The following HSF1 variants were observed in gnomAD, a reference collection of about 807,000 sequenced individuals.
The protein encoded by HSF1 is heat shock transcription factor 1.
HSF1 carries 32 observed loss-of-function variants against 51.7 expected under a neutral mutation model. The observed-to-expected ratio is 0.62, with a 90% CI of 0.47 to 0.83. HSF1 has a LOEUF of 0.83. Ranked by LOEUF, HSF1 falls within the 40% of genes least tolerant of loss-of-function variation. The pLI is 0.00. For missense variants in HSF1, 727 were observed against 717.0 expected (o/e 1.01, Z -0.16); for synonymous variants, 396 against 309.7 (o/e 1.28, Z -2.92).
At chr8:144,308,866 TCAC>T in intron 1 of HSF1, 37 bp from the exon 2 acceptor site, 1 of 1,541,324 alleles carries the variant, frequency 6.5e-7, no homozygotes, top group Non-Finnish European at 9.0e-7. Flanking sequence ...ACGCTGCCCC[TCAC>T]CACCACGCGT....
chr8:144,301,544 G>T (rs1246005997), intron 1 of HSF1, among the ~76,000 whole-genome samples: 1 of 152,132 alleles, frequency 6.6e-6, no homozygotes, highest in Non-Finnish European at 1.5e-5. Context: ...CAAAGTGCTG[G>T]AACAGGCTGG....
rs1554844961 is a variant in HSF1 at position 144,312,177 on chromosome 8, G to A, written c.1075G>A (p.Gly359Ser). 1 of 1,606,876 alleles carries A rather than the reference G, an allele frequency of 6.2e-7. No individual in the cohort carries two copies. Among genetic ancestry groups the A allele is most frequent in the Admixed American group, 1.7e-5 (1 of 59,952 alleles). Residue 359 changes from glycine (G) to serine (S), a missense_variant, in exon 9 of 13, where the codon GGC becomes AGC. Gly to Ser is a moderately conservative substitution (Grantham distance 56). This residue lies in a region of HSF1 where 470 missense variants were observed against 398.8 expected (regional missense o/e 1.18). Transcript: ENST00000528838. ...CGCCAGGGGCCACACGGACACCGAG[G>A]GCCGGCCTCCCTCCCCCCCGCCCAC... ...TDARGHTDTE[G>S]RPPSPPPTST... is the part of the protein sequence containing the mutation.
chr8:144,311,543 T>C lies in HSF1; in HGVS notation c.665T>C (p.Met222Thr), dbSNP rs782709939. The C allele has an allele frequency of 6.2e-7, 1 of 1,613,700 alleles. No homozygotes were observed. The highest frequency in any genetic ancestry group is 8.5e-7 in the Non-Finnish European group (1 of 1,179,964). ...MLNDSGSAHS[M>T]PKYSRQFSLE... Reference sequence around the variant, plus strand: ...AACGACAGTGGCTCAGCACATTCCATGCCCAAGTATAGCCGGCAGTTCTCC... The same window carrying C: ...AACGACAGTGGCTCAGCACATTCCACGCCCAAGTATAGCCGGCAGTTCTCC... Residue 222 changes from methionine to threonine, a missense_variant, in exon 7 of 13, where the codon ATG (methionine) becomes ACG (threonine). Physicochemically the swap from Met to Thr is moderately conservative, Grantham distance 81. Around this residue, in one of 2 missense-constraint regions of HSF1, gnomAD observed 257 missense variants for 318.3 expected, o/e 0.81. Coordinates refer to ENST00000528838, the MANE Select transcript of HSF1 (RefSeq NM_005526.4).
chr8:144,294,206 C>T (rs930329399), intron 1 of HSF1, among the ~76,000 whole-genome samples: 13 of 152,150 alleles, frequency 8.5e-5, no homozygotes, highest in South Asian at 6.2e-4. Flanking sequence ...CTCCAGGCCG[C>T]GCAGGGGGCT....
intron 1 of HSF1, among the ~76,000 whole-genome samples, chr8:144,301,750 A>T (rs569720554): frequency 6.7e-6 from 1 of 149,978 alleles, no homozygotes. Flanking sequence ...CTGTAGTCCT[A>T]GCTACTCGGG....
chr8:144,312,266 C>A, intron 9 of HSF1, 22 bp downstream of exon 9: 1 of 1,500,318 alleles, frequency 6.7e-7, no homozygotes, highest in Non-Finnish European at 9.1e-7. Context: ...CCACCCCTGG[C>A]CCCACCCACA....
intron 1 of HSF1, among the ~76,000 whole-genome samples, chr8:144,301,969 T>C (rs928419597): frequency 6.7e-6 from 1 of 149,016 alleles, no homozygotes; most frequent in Non-Finnish European, 1.5e-5. Flanking sequence ...TGGGGCAACA[T>C]AGCTTGGCCA....
chr8:144,314,607 T>G lies in HSF1; in HGVS notation c.*277T>G. The G allele has an allele frequency of 1.9e-6, 1 of 518,662 alleles. No individual in the cohort carries two copies. The highest frequency in any genetic ancestry group is 3.1e-5 in the East Asian group (1 of 32,540). The allele number at this position is 518,662 out of a possible 1,614,324, so 32.1% of individuals were successfully genotyped here. A position where few individuals can be genotyped will look rare whatever the true frequency, so the allele number is the denominator to read the frequency against. ...GGTTGTTCATAGTCAGAATTGTATT[T>G]TGGATTTTTACACAACTGTCCCGTT... On this transcript the variant is annotated 3_prime_UTR_variant, in exon 13 of 13. Coordinates refer to ENST00000528838, the MANE Select transcript of HSF1 (RefSeq NM_005526.4).
At chr8:144,304,799 A>G (rs1816106326) in intron 1 of HSF1, among the ~76,000 whole-genome samples, 1 of 151,982 alleles carries the variant, frequency 6.6e-6, no homozygotes, top group Admixed American at 6.6e-5. Flanking sequence ...GGCATGAGCC[A>G]CGACACTAAA....
chr8:144,298,222 C>T (rs1225848961), intron 1 of HSF1, among the ~76,000 whole-genome samples: 1 of 152,122 alleles, frequency 6.6e-6, no homozygotes, highest in Non-Finnish European at 1.5e-5. Context: ...TTCATAATGG[C>T]CCCTAAGGTA....
chr8:144,292,516 C>T (rs1018293275), intron 1 of HSF1: 1 of 152,282 alleles, frequency 6.6e-6, no homozygotes, highest in African/African-American at 2.4e-5. Context: ...CATGGTCCGA[C>T]CCTGCAAGAC....
Position 144,314,231 on chromosome 8 carries a change from C to T in HSF1, c.1491C>T (p.Gly497=), listed in dbSNP as rs782334224. ...CGGTGCTGTTTGAGCTGGGAGAGGG[C>T]TCCTACTTCTCCGAAGGGGACGGCT... The part of the protein sequence containing the change: ...DLPVLFELGE[G]SYFSEGDGFA... The change falls in exon 13 of 13, where the codon GGC becomes GGT. Residue 497 remains glycine (G), a synonymous_variant. Transcript: ENST00000528838. The T allele has an allele frequency of 1.3e-6, 2 of 1,550,290 alleles. No individual in the cohort carries two copies. The highest frequency in any genetic ancestry group is 1.2e-5 in the South Asian group (1 of 84,066).
Position 144,311,606 on chromosome 8 carries a change from G to A in HSF1, c.723+5G>A. On this transcript the variant is annotated splice_donor_5th_base_variant and intron_variant, in intron 7 of 12. Coordinates refer to ENST00000528838, the MANE Select transcript of HSF1 (RefSeq NM_005526.4). ...CACGGCTCGGGCCCCTACTCGGTGA[G>A]TGCCGGAGACAGGGCACCCGCCCAG... The A allele has an allele frequency of 6.2e-7, 1 of 1,613,296 alleles. No individual in the cohort carries two copies. Among genetic ancestry groups the A allele is most frequent in the Non-Finnish European group, 8.5e-7 (1 of 1,179,922 alleles).
intron 1 of HSF1, among the ~76,000 whole-genome samples, chr8:144,294,950 T>G (rs1437481608): frequency 7.2e-5 from 11 of 152,144 alleles, no homozygotes; most frequent in Admixed American, 6.5e-4. Flanking sequence ...TCAGCCAGCT[T>G]CTCAACAGCT....
intron 1 of HSF1, among the ~76,000 whole-genome samples, chr8:144,298,620 A>G (rs1815647963): frequency 6.6e-6 from 1 of 151,940 alleles, no homozygotes; most frequent in Non-Finnish European, 1.5e-5. Flanking sequence ...AAGAAAGAAA[A>G]GAAAAAACCG....
intron 1 of HSF1, among the ~76,000 whole-genome samples, chr8:144,301,672 C>G (rs757991454): frequency 1.3e-5 from 2 of 152,076 alleles, no homozygotes; most frequent in African/African-American, 2.4e-5. Flanking sequence ...CGAGACCATC[C>G]TGGCTAATAC....
At position 144,291,812 on chromosome 8, in the gene HSF1, C is replaced by T; in HGVS notation, c.55C>T (p.Leu19=). ...GGGGCCCAGCAACGTCCCGGCCTTC[C>T]TGACCAAGCTGTGGACCCTCGTGAG... ...AAGPSNVPAF[L]TKLWTLVSDP... is the part of the protein sequence containing the mutation. The change falls in exon 1 of 13, where the codon CTG becomes TTG. Residue 19 remains leucine (L), a synonymous_variant. Coordinates refer to ENST00000528838, the MANE Select transcript of HSF1 (RefSeq NM_005526.4). The surrounding 1 kb of genome is among the most constrained non-coding windows in gnomAD (Gnocchi z 4.1). 6.4e-7 allele frequency: 1 copy of T among 1,556,980 alleles called. No homozygotes were observed. The highest frequency in any genetic ancestry group is 8.6e-7 in the Non-Finnish European group (1 of 1,156,242).
rs567071707 is a variant in HSF1, at chr8:144,312,041, G to T, written c.939G>T (p.Ala313=). The T allele has an allele frequency of 1.2e-6, 2 of 1,610,952 alleles. No individual in the cohort carries two copies. The highest frequency in any genetic ancestry group is 1.1e-5 in the South Asian group (1 of 90,974). The change falls in exon 9 of 13, where the codon GCG becomes GCT. Residue 313 remains alanine (A), a synonymous_variant. Coordinates refer to ENST00000528838, the MANE Select transcript of HSF1 (RefSeq NM_005526.4). ...CTCAGAGCCCCCGGGTAGAGGAGGCGAGTCCCGGGCGCCCATCTTCCGTGG... is the reference window on the plus strand; with the variant it reads ...CTCAGAGCCCCCGGGTAGAGGAGGCTAGTCCCGGGCGCCCATCTTCCGTGG... ...SPPQSPRVEE[A]SPGRPSSVDT...
chr8:144,312,861 C>T (rs1052705492), intron 9 of HSF1: 18 of 676,134 alleles, frequency 2.7e-5, no homozygotes, highest in East Asian at 5.5e-5. Flanking sequence ...GGCTCAGTGT[C>T]GTCATGGCTC....
Sources: gnomAD v4.1 joint callset for allele counts (sites outside exome capture counted in the v4.1 genomes callset) on GRCh38, gnomAD v4.1.1 for gene constraint, gnomAD v4.1.1 regional missense constraint, Gnocchi (gnomAD v3.1) non-coding constraint, MANE v1.5 for transcripts, NCBI Gene and HGNC (gene_info 2026-07-23, HGNC 2026-07-21) for gene names.